Variants in ZMAT4 observed in about 807,000 individuals in gnomAD.
ZMAT4 encodes zinc finger matrin-type 4, also known as zinc finger matrin-type protein 4.
Under a neutral mutation model 28.7 loss-of-function variants are expected in ZMAT4, and 17 were observed. The observed-to-expected ratio is 0.59, with a 90% CI of 0.41 to 0.89. The LOEUF is 0.89. ZMAT4 is among the 40% of genes least tolerant of loss of function. The pLI is 0.00. For missense variants in ZMAT4, 240 were observed against 283.8 expected (o/e 0.85, Z 1.11); for synonymous variants, 117 against 109.2 (o/e 1.07, Z -0.44).
intron 3 of ZMAT4, among the ~76,000 whole-genome samples, chr8:40,717,690 A>G (rs983616772): frequency 6.6e-6 from 1 of 152,154 alleles, no homozygotes; most frequent in African/African-American, 2.4e-5. Context: ...TTAATTTAAA[A>G]TCATAAATAA....
intron 3 of ZMAT4, among the ~76,000 whole-genome samples, chr8:40,737,794 C>G (rs1049120092): frequency 3.3e-5 from 5 of 151,498 alleles, no homozygotes; most frequent in Non-Finnish European, 5.9e-5. Context: ...GTTATTTAAT[C>G]TGTCTTATCC....
chr8:40,579,102 GAT>G (rs1804366258), intron 6 of ZMAT4, among the ~76,000 whole-genome samples: 1 of 152,140 alleles, frequency 6.6e-6, no homozygotes, highest in Non-Finnish European at 1.5e-5. Flanking sequence ...AATTAAATGA[GAT>G]AATAGATGTG....
intron 5 of ZMAT4, among the ~76,000 whole-genome samples, chr8:40,596,643 A>C (rs534960892): frequency 6.6e-6 from 1 of 152,304 alleles, no homozygotes; most frequent in South Asian, 2.1e-4. Flanking sequence ...CATATATGTG[A>C]TTCATTGTTG....
At chr8:40,548,016 C>T (rs969809572) in intron 6 of ZMAT4, among the ~76,000 whole-genome samples, 1 of 152,086 alleles carries the variant, frequency 6.6e-6, no homozygotes, top group East Asian at 1.9e-4. Flanking sequence ...GAAGAGCTGG[C>T]AGAAGGACTA....
chr8:40,705,705 A>G lies in ZMAT4; in HGVS notation c.193-8304T>C, dbSNP rs186568132. On this transcript the variant is annotated intron_variant, in intron 3 of 6. Transcript: ENST00000297737. The stretch of plus-strand genomic sequence containing the variant: ...AGTTAATTAACATATGTATTGCCTC[A>G]CATAGCAATAATTTTTGTGGCAAGA... Among the ~76,000 whole-genome samples the G allele has an allele frequency of 8.5e-5, 13 of 152,330 alleles. No individual in the cohort carries two copies. In the East Asian group the frequency reaches 2.5e-3, roughly 29 times the overall value.
chr8:40,558,458 A>C lies in ZMAT4; in HGVS notation c.674+22707T>G, dbSNP rs567291449. Among the ~76,000 whole-genome samples, 3 of 152,196 alleles carry C rather than the reference A, an allele frequency of 2.0e-5. No homozygotes were observed. The South Asian group carries it at 6.2e-4, about 32-fold the overall frequency. ...GCAGGGGAAAGGGAGAAAAGGGGGCAGATTTGAGGCGTGTGGAGGTGGAGT... is the reference window on the plus strand; with the variant it reads ...GCAGGGGAAAGGGAGAAAAGGGGGCCGATTTGAGGCGTGTGGAGGTGGAGT... On this transcript the variant is annotated intron_variant, in intron 6 of 6. Coordinates refer to ENST00000297737, the MANE Select transcript of ZMAT4 (RefSeq NM_024645.3).
chr8:40,887,170 C>CAAA (rs35466634), intron 1 of ZMAT4, among the ~76,000 whole-genome samples: 3 of 61,976 alleles, frequency 4.8e-5, no homozygotes, highest in South Asian at 6.4e-4. Flanking sequence ...GACTCCGTCT[C>CAAA]AAAAAAAAAA....
At chr8:40,648,884 T>C (rs892299657) in intron 5 of ZMAT4, among the ~76,000 whole-genome samples, 5 of 142,868 alleles carry the variant, frequency 3.5e-5, no homozygotes, top group Non-Finnish European at 6.1e-5. Flanking sequence ...TGAGAGATTT[T>C]GTCACCACCA....
chr8:40,801,553 C>T lies in ZMAT4; in HGVS notation c.102+24022G>A, dbSNP rs538682768. 2.0e-5 allele frequency among the ~76,000 whole-genome samples: 3 copies of T among 151,496 alleles called. No individual in the cohort carries two copies. In the South Asian group the frequency reaches 6.3e-4, roughly 32 times the overall value. On this transcript the variant is annotated intron_variant, in intron 2 of 6. Transcript: ENST00000297737. ...GGTGAGGTGGTGCACACCTGTAATC[C>T]CAGCTACTCAGGAGGCTGAGGAAGG...
intron 5 of ZMAT4, among the ~76,000 whole-genome samples, chr8:40,649,933 G>T (rs1042551439): frequency 1.1e-4 from 17 of 151,748 alleles, no homozygotes; most frequent in South Asian, 2.1e-4. Context: ...GCAGTGTGTA[G>T]AGGGAAATTT....
intron 4 of ZMAT4, among the ~76,000 whole-genome samples, chr8:40,680,700 G>GCGCA (rs111761901): frequency 6.7e-6 from 1 of 149,094 alleles, no homozygotes; most frequent in Non-Finnish European, 1.5e-5. Flanking sequence ...CATGTCTAAT[G>GCGCA]TACACACACA....
chr8:40,781,761 C>CAAAAAAAAAAAAAAAAAAAAAAAAA, intron 2 of ZMAT4, among the ~76,000 whole-genome samples: 1 of 38,522 alleles, frequency 2.6e-5, no homozygotes, highest in Non-Finnish European at 5.6e-5. Context: ...GACTCCGTCT[C>CAAAAAAAAAAAAAAAAAAAAAAAAA]AAAAAAAAAA....
chr8:40,785,885 A>G (rs1454289367), intron 2 of ZMAT4, among the ~76,000 whole-genome samples: 1 of 152,062 alleles, frequency 6.6e-6, no homozygotes, highest in Non-Finnish European at 1.5e-5. Context: ...TTTACCTGCT[A>G]AATAATTTGC....
At chr8:40,628,046 C>G (rs1806439289) in intron 5 of ZMAT4, among the ~76,000 whole-genome samples, 1 of 152,172 alleles carries the variant, frequency 6.6e-6, no homozygotes, top group Admixed American at 6.5e-5. Context: ...TAGGGACACA[C>G]AGAAGAGCTA....
intron 1 of ZMAT4, among the ~76,000 whole-genome samples, chr8:40,842,321 C>T (rs1363504652): frequency 2.6e-5 from 4 of 152,212 alleles, no homozygotes; most frequent in Non-Finnish European, 2.9e-5. Context: ...CCCACGTTTC[C>T]GGACTCCAAA....
At chr8:40,824,098 A>G (rs1815931537) in intron 2 of ZMAT4, among the ~76,000 whole-genome samples, 1 of 152,084 alleles carries the variant, frequency 6.6e-6, no homozygotes, top group South Asian at 2.1e-4. Flanking sequence ...TATTATAGTT[A>G]TTTTTATTGT....
intron 6 of ZMAT4, among the ~76,000 whole-genome samples, chr8:40,557,452 C>T (rs1803582140): frequency 6.6e-6 from 1 of 152,104 alleles, no homozygotes; most frequent in Admixed American, 6.5e-5. Context: ...ATTTGTAGTT[C>T]CCTGAAGATA....
At chr8:40,809,989 G>A (rs1815252670) in intron 2 of ZMAT4, among the ~76,000 whole-genome samples, 1 of 152,116 alleles carries the variant, frequency 6.6e-6, no homozygotes. Flanking sequence ...GTTGCAGTGA[G>A]CCAAGATCAC....
At chr8:40,819,371 C>T (rs1815660785) in intron 2 of ZMAT4, among the ~76,000 whole-genome samples, 1 of 152,110 alleles carries the variant, frequency 6.6e-6, no homozygotes, top group Non-Finnish European at 1.5e-5. Context: ...AAGTACAGAC[C>T]AATGCTCAAT....
Sources: allele counts gnomAD v4.1 joint callset (sites outside exome capture counted in the v4.1 genomes callset), GRCh38; gene constraint gnomAD v4.1.1; transcripts MANE v1.5; gene names NCBI Gene and HGNC (gene_info 2026-07-23, HGNC 2026-07-21).